SPOCK3: variants seen among roughly 807,000 people sequenced by gnomAD.
SPOCK3 encodes testican-3.
In SPOCK3, 30 loss-of-function variants were observed where a neutral mutation model predicts 56.6. The observed-to-expected ratio is 0.53, with a 90% CI of 0.40 to 0.72. The LOEUF (loss-of-function observed/expected upper bound fraction) is 0.72. SPOCK3 is among the 30% of genes least tolerant of loss of function. The pLI is 0.00. For synonymous variants in SPOCK3, 196 were observed against 183.3 expected, an observed-to-expected ratio of 1.07 and a Z score of -0.56; for missense variants, 527 against 530.0, an observed-to-expected ratio of 0.99 and a Z score of 0.06.
intron 4 of SPOCK3, among the ~76,000 whole-genome samples, chr4:166,967,697 T>G (rs1744893717): frequency 6.6e-6 from 1 of 152,186 alleles, no homozygotes; most frequent in Admixed American, 6.5e-5. Flanking sequence ...TGGGTAATTC[T>G]TTATTGCAGT....
At chr4:166,906,821 G>A (rs537809217) in intron 5 of SPOCK3, among the ~76,000 whole-genome samples, 1 of 151,086 alleles carries the variant, frequency 6.6e-6, no homozygotes, top group East Asian at 2.0e-4. Flanking sequence ...AAAAATGAAG[G>A]GTAATTAATT....
At chr4:167,012,834 A>T (rs556607237) in intron 3 of SPOCK3, among the ~76,000 whole-genome samples, 10 of 152,104 alleles carry the variant, frequency 6.6e-5, no homozygotes, top group African/African-American at 2.4e-4. Flanking sequence ...CTTTCATTGT[A>T]ACTCTATGCT....
At chr4:166,961,553 G>GA (rs375687217) in intron 4 of SPOCK3, among the ~76,000 whole-genome samples, 13,758 of 141,472 alleles carry the variant, frequency 0.097, 771 homozygotes, top group Middle Eastern at 0.21. Flanking sequence ...AAGAAAAATT[G>GA]AAAAAAAAAA....
Position 166,953,807 on chromosome 4 carries a change from T to C in SPOCK3, c.351-41064A>G, listed in dbSNP as rs1399205394. Among the ~76,000 whole-genome samples, 6 of 149,726 alleles carry C rather than the reference T, an allele frequency of 4.0e-5. No homozygotes were observed. In the Admixed American group the frequency reaches 4.1e-4, roughly 10 times the overall value. ...GTAGGGACATGGATGAAATTGGAAA[T>C]CATCATTCTCAGTAAACTATCGTAA... On this transcript the variant is annotated intron_variant, in intron 4 of 10. Transcript: ENST00000357545.
At chr4:167,018,027 T>C (rs1750808295) in intron 3 of SPOCK3, among the ~76,000 whole-genome samples, 2 of 152,070 alleles carry the variant, frequency 1.3e-5, no homozygotes, top group Admixed American at 1.3e-4. Context: ...TTTTAGGGAC[T>C]TGGGAAGAAA....
intron 2 of SPOCK3, among the ~76,000 whole-genome samples, chr4:167,117,915 T>C (rs2150359490): frequency 6.6e-6 from 1 of 152,166 alleles, no homozygotes; most frequent in East Asian, 1.9e-4. Context: ...CAAATACAAA[T>C]TAGGATGACT....
At chr4:166,816,872 C>T (rs972254861) in intron 6 of SPOCK3, among the ~76,000 whole-genome samples, 4 of 151,946 alleles carry the variant, frequency 2.6e-5, no homozygotes, top group African/African-American at 9.7e-5. Context: ...AGGTCGAGGG[C>T]CCAGTGCAAT....
intron 6 of SPOCK3, among the ~76,000 whole-genome samples, chr4:166,808,694 C>G: frequency 6.6e-6 from 1 of 152,104 alleles, no homozygotes; most frequent in East Asian, 1.9e-4. Flanking sequence ...GATTCTACTA[C>G]TTGCCACCCT....
intron 6 of SPOCK3, among the ~76,000 whole-genome samples, chr4:166,865,758 C>T (rs984251132): frequency 6.6e-6 from 1 of 152,046 alleles, no homozygotes; most frequent in African/African-American, 2.4e-5. Context: ...GAACTACAAA[C>T]CACAGCTCAA....
intron 7 of SPOCK3, among the ~76,000 whole-genome samples, chr4:166,768,256 G>A (rs1014848330): frequency 7.9e-5 from 12 of 152,168 alleles, no homozygotes; most frequent in Admixed American, 3.3e-4. Flanking sequence ...TATTTTGCTC[G>A]TTAGTTGATG....
intron 2 of SPOCK3, among the ~76,000 whole-genome samples, chr4:167,233,717 G>A (rs1737421127): frequency 6.6e-6 from 1 of 152,148 alleles, no homozygotes; most frequent in South Asian, 2.1e-4. Flanking sequence ...TGTGGGCCGG[G>A]AGGGGGCACA....
intron 2 of SPOCK3, among the ~76,000 whole-genome samples, chr4:167,231,984 T>C (rs1423474932): frequency 1.3e-5 from 2 of 152,170 alleles, no homozygotes; most frequent in East Asian, 1.9e-4. Context: ...ATAAAATGTA[T>C]CAGTAAATCC....
At chr4:167,172,358 T>C (rs1429552891) in intron 2 of SPOCK3, among the ~76,000 whole-genome samples, 1 of 152,178 alleles carries the variant, frequency 6.6e-6, no homozygotes, top group African/African-American at 2.4e-5. Context: ...AAGTAAATAA[T>C]CAAATACCAT....
chr4:167,175,148 G>T (rs1003258277), intron 2 of SPOCK3, among the ~76,000 whole-genome samples: 3 of 152,032 alleles, frequency 2.0e-5, no homozygotes, highest in African/African-American at 7.2e-5. Flanking sequence ...AACTTCTGAT[G>T]CCACTAAAGG....
chr4:167,176,579 T>C (rs569565330), intron 2 of SPOCK3, among the ~76,000 whole-genome samples: 102 of 152,262 alleles, frequency 6.7e-4, no homozygotes, highest in African/African-American at 2.3e-3. Context: ...AGTATGTATA[T>C]TAAACTAATT....
chr4:166,821,662 C>T (rs568455398), intron 6 of SPOCK3, among the ~76,000 whole-genome samples: 59 of 152,080 alleles, frequency 3.9e-4, no homozygotes, highest in Middle Eastern at 6.8e-3. Context: ...AAAAGTGACA[C>T]TAAGAAGAAT....
chr4:166,980,257 T>C (rs1267697392), intron 4 of SPOCK3, among the ~76,000 whole-genome samples: 2 of 152,382 alleles, frequency 1.3e-5, no homozygotes, highest in South Asian at 2.1e-4. Context: ...CATTAATGTA[T>C]CTGGCATGCC....
chr4:167,226,326 T>C (rs567601478), intron 2 of SPOCK3, among the ~76,000 whole-genome samples: 2 of 152,188 alleles, frequency 1.3e-5, no homozygotes, highest in South Asian at 4.2e-4. Context: ...AGGTACTAGG[T>C]GTCATAGTTT....
chr4:166,766,842 C>A (rs868142292), intron 7 of SPOCK3, among the ~76,000 whole-genome samples: 3 of 152,014 alleles, frequency 2.0e-5, no homozygotes, highest in Non-Finnish European at 4.4e-5. Context: ...TTGGTACGCT[C>A]TTAATTATTG....
Sources: gnomAD v4.1 joint callset for allele counts (sites outside exome capture counted in the v4.1 genomes callset) on GRCh38, gnomAD v4.1.1 for gene constraint, MANE v1.5 for transcripts, NCBI Gene and HGNC (gene_info 2026-07-23, HGNC 2026-07-21) for gene names.